The following CDK5RAP3 variants were observed in gnomAD, a reference collection of about 807,000 sequenced individuals.
CDK5RAP3 encodes CDK5 regulatory subunit-associated protein 3.
A neutral mutation model predicts 73.3 loss-of-function variants in CDK5RAP3; 58 were observed. The observed-to-expected ratio is 0.79, with a 90% CI of 0.64 to 0.98. CDK5RAP3 has a LOEUF of 0.98. CDK5RAP3 is among the 50% of genes least tolerant of loss of function. The probability of loss-of-function intolerance (pLI) is 0.00; values close to 1 mark genes in which losing one functional copy is unlikely to be tolerated. For synonymous variants in CDK5RAP3, 224 were observed against 247.5 expected (o/e 0.91, Z 0.89); for missense variants, 525 against 615.8 (o/e 0.85, Z 1.56).
chr17:47,976,459 A>G, intron 8 of CDK5RAP3: 2 of 406,416 alleles, frequency 4.9e-6, no homozygotes, highest in Admixed American at 4.0e-5. Flanking sequence ...TCTCAGCCTC[A>G]AGCGATCCTC....
chr17:47,980,630 G>C lies in CDK5RAP3; in HGVS notation c.1115G>C (p.Ser372Thr). ...TTAGCCCAGAGAGCAGTGGAGTTGA[G>C]TGAGGAGGCAGATGTCCTGTCTGTG... ...IFLAQRAVEL[S>T]EEADVLSVSQ... Residue 372 changes from serine (S) to threonine (T), a missense_variant, in exon 12 of 14, where the codon AGT becomes ACT. Transcript: ENST00000338399. The C allele has an allele frequency of 6.2e-7, 1 of 1,613,672 alleles. No individual in the cohort carries two copies. Among genetic ancestry groups the C allele is most frequent in the Non-Finnish European group, 8.5e-7 (1 of 1,180,028 alleles).
At position 47,975,581 on chromosome 17, in the gene CDK5RAP3, G is replaced by A; in HGVS notation, c.581G>A (p.Gly194Glu). The stretch of plus-strand genomic sequence containing the variant: ...CTGCCGAGTCAGCTGGCTGAGATTG[G>A]GGCAGCGGCTCAGCAGTCCCTGGGG... ...KDLPSQLAEIGAAAQQSLGEA... is the reference protein window; with the variant it reads ...KDLPSQLAEIEAAAQQSLGEA... The change falls in exon 7 of 14, where the codon GGG (glycine) becomes GAG (glutamate). Residue 194 changes from glycine to glutamate, a missense_variant. Physicochemically the swap from Gly to Glu is moderately conservative, Grantham distance 98. This residue lies in a region of CDK5RAP3 where 409 missense variants were observed against 429.8 expected (regional missense o/e 0.95). Coordinates refer to ENST00000338399, the MANE Select transcript of CDK5RAP3 (RefSeq NM_176096.3). 6.2e-7 allele frequency: 1 copy of A among 1,610,174 alleles called. No individual in the cohort carries two copies. Among genetic ancestry groups the A allele is most frequent in the Non-Finnish European group, 8.5e-7 (1 of 1,180,008 alleles).
At chr17:47,974,910 G>A in intron 5 of CDK5RAP3, 2 of 1,387,798 alleles carry the variant, frequency 1.4e-6, no homozygotes, top group South Asian at 3.0e-5. Flanking sequence ...CTAAATGCAA[G>A]GAATTGTGCT....
intron 4 of CDK5RAP3, 107 bp from the exon 5 acceptor site, chr17:47,974,293 T>C (rs1255859625): frequency 2.0e-6 from 2 of 1,001,078 alleles, no homozygotes; most frequent in African/African-American, 1.6e-5. Flanking sequence ...GAGTTTGTGT[T>C]TGATGTGATG....
intron 2 of CDK5RAP3, among the ~76,000 whole-genome samples, chr17:47,972,828 G>A (rs1441804355): frequency 6.6e-6 from 1 of 152,132 alleles, no homozygotes; most frequent in Non-Finnish European, 1.5e-5. Context: ...TTACATGTGG[G>A]AAAACTGAGG....
Position 47,976,739 on chromosome 17 carries a change from G to A in CDK5RAP3, c.826G>A (p.Ala276Thr). The A allele has an allele frequency of 6.2e-7, 1 of 1,612,412 alleles. No individual in the cohort carries two copies. The highest frequency in any genetic ancestry group is 8.5e-7 in the Non-Finnish European group (1 of 1,178,954). The stretch of plus-strand genomic sequence containing the variant: ...TGACTGGGGCGACTTTGGGGTAGAG[G>A]CAGTGTCTGAGGGGACTGACTCTGG... ...AIDWGDFGVE[A>T]VSEGTDSGIS... The change falls in exon 9 of 14, where the codon GCA (alanine) becomes ACA (threonine). Residue 276 changes from alanine to threonine, a missense_variant. Transcript: ENST00000338399.
At position 47,976,781 on chromosome 17, in the gene CDK5RAP3, G is replaced by A. The variant is rs2036425627; in HGVS notation, c.868G>A (p.Ala290Thr). ...GTDSGISAEA[A>T]GIDWGIFPES... is the part of the protein sequence containing the mutation. ...TGACTCTGGCATCTCTGCCGAGGCT[G>A]CTGGAATCGACTGGGGCATCTTCCC... The change falls in exon 9 of 14, where the codon GCT (alanine) becomes ACT (threonine). Residue 290 changes from alanine (A) to threonine (T), a missense_variant. Transcript: ENST00000338399. 1 of 1,611,572 alleles carries A rather than the reference G, an allele frequency of 6.2e-7. No homozygotes were observed. The highest frequency in any genetic ancestry group is 1.3e-5 in the African/African-American group (1 of 74,800).
chr17:47,971,062 A>G (rs988778738), upstream of CDK5RAP3: 9 of 1,550,078 alleles, frequency 5.8e-6, no homozygotes, highest in East Asian at 2.4e-5. Context: ...TTGTGTCTAA[A>G]CGGAGGCTCG....
intron 8 of CDK5RAP3, 73 bp from the exon 9 acceptor site, chr17:47,976,639 C>G (rs1011432262): frequency 9.5e-7 from 1 of 1,051,576 alleles, no homozygotes; most frequent in Non-Finnish European, 1.5e-6. Flanking sequence ...ACTGGGGTTA[C>G]AGACATGAGC....
chr17:47,977,222 C>G (rs533711266), intron 9 of CDK5RAP3, among the ~76,000 whole-genome samples: 1 of 152,190 alleles, frequency 6.6e-6, no homozygotes, highest in African/African-American at 2.4e-5. Flanking sequence ...CATCTTGGCT[C>G]ACTGCAACCT....
intron 10 of CDK5RAP3, 56 bp downstream of exon 10, chr17:47,977,966 C>G: frequency 2.9e-6 from 4 of 1,375,626 alleles, no homozygotes; most frequent in Non-Finnish European, 4.1e-6. Flanking sequence ...AGGGCCCCCA[C>G]GTGTCTAGAA....
At chr17:47,974,536 C>T in intron 5 of CDK5RAP3, 88 bp downstream of exon 5, 1 of 1,607,914 alleles carries the variant, frequency 6.2e-7, no homozygotes, top group Non-Finnish European at 8.5e-7. Flanking sequence ...GAGGCACAGT[C>T]TGTGAGTGGG....
rs762149979 is a variant in CDK5RAP3, at chr17:47,981,143, C to CAG, written c.1284-19_1284-18insGA. The CAG allele has an allele frequency of 1.2e-6, 2 of 1,606,078 alleles. No homozygotes were observed. Among genetic ancestry groups the CAG allele is most frequent in the Non-Finnish European group, 1.7e-6 (2 of 1,174,012 alleles). ...CAGGATGCACAGCTAACCCAGCACTCACCTGAGTGCCCCGCACAGGTATGT... is the reference window on the plus strand; with the variant it reads ...CAGGATGCACAGCTAACCCAGCACTCAGACCTGAGTGCCCCGCACAGGTATGT... On this transcript the variant is annotated intron_variant, in intron 12 of 13. Transcript: ENST00000338399.
chr17:47,976,050 T>C (rs1217857789), intron 8 of CDK5RAP3, 37 bp downstream of exon 8: 2 of 1,599,796 alleles, frequency 1.3e-6, no homozygotes, highest in Non-Finnish European at 1.7e-6. Context: ...AGGAGTGGAG[T>C]GGGAGCTGCT....
Position 47,980,613 on chromosome 17 carries a change from G to C in CDK5RAP3, c.1098G>C (p.Gln366His). 1.2e-6 allele frequency: 2 copies of C among 1,613,278 alleles called. No homozygotes were observed. Among genetic ancestry groups the C allele is most frequent in the Non-Finnish European group, 1.7e-6 (2 of 1,180,022 alleles). Residue 366 changes from glutamine (Q) to histidine (H), a missense_variant, in exon 12 of 14, where the codon CAG (glutamine) becomes CAC (histidine). Physicochemically the swap from Gln to His is conservative, Grantham distance 24. This residue lies in a region of CDK5RAP3 where 116 missense variants were observed against 186.1 expected (regional missense o/e 0.62). Coordinates refer to ENST00000338399, the MANE Select transcript of CDK5RAP3 (RefSeq NM_176096.3). ...ELMELEIFLA[Q>H]RAVELSEEAD... ...CTCAGCTTGAGATCTTCTTAGCCCAGAGAGCAGTGGAGTTGAGTGAGGAGG... is the reference window on the plus strand; with the variant it reads ...CTCAGCTTGAGATCTTCTTAGCCCACAGAGCAGTGGAGTTGAGTGAGGAGG...
In CDK5RAP3 at chr17:47,980,614, A is replaced by G. The variant is rs1023232261; in HGVS notation, c.1099A>G (p.Arg367Gly). ...LMELEIFLAQ[R>G]AVELSEEADV... ...TCAGCTTGAGATCTTCTTAGCCCAG[A>G]GAGCAGTGGAGTTGAGTGAGGAGGC... is the stretch of plus-strand genomic sequence containing the variant. Residue 367 changes from arginine to glycine, a missense_variant, in exon 12 of 14, where the codon AGA becomes GGA. Arg to Gly is a moderately radical substitution (Grantham distance 125). Around this residue, in one of 2 missense-constraint regions of CDK5RAP3, gnomAD observed 116 missense variants for 186.1 expected, o/e 0.62. Transcript: ENST00000338399. The G allele has an allele frequency of 1.2e-6, 2 of 1,613,174 alleles. No individual in the cohort carries two copies. Among genetic ancestry groups the G allele is most frequent in the Admixed American group, 3.3e-5 (2 of 59,982 alleles).
rs148972104 is a variant in CDK5RAP3, at chr17:47,972,255, G to T, written c.52+848G>T. ...TACTTCCTCCCCAGTTCATAGTCAG[G>T]GAAGGCCTCTTCATCTGATCACACA... On this transcript the variant is annotated intron_variant, in intron 2 of 13. Transcript: ENST00000338399. Among the ~76,000 whole-genome samples the T allele has an allele frequency of 3.7e-4, 56 of 152,188 alleles. 2 individuals carry two copies. The East Asian group carries it at 6.6e-3, about 18-fold the overall frequency.
At chr17:47,972,551 G>C (rs766311193) in intron 2 of CDK5RAP3, among the ~76,000 whole-genome samples, 79 of 152,222 alleles carry the variant, frequency 5.2e-4, no homozygotes, top group Non-Finnish European at 1.1e-3. Flanking sequence ...GGTCACGGGG[G>C]AAGCTTCTTT....
At chr17:47,973,370 T>C in intron 2 of CDK5RAP3, 149 bp from the exon 3 acceptor site, 1 of 824,008 alleles carries the variant, frequency 1.2e-6, no homozygotes, top group East Asian at 2.9e-5. Context: ...CTCTTTGGGC[T>C]TGTCTTTATT....
Sources: allele counts gnomAD v4.1 joint callset (sites outside exome capture counted in the v4.1 genomes callset), GRCh38; gene constraint gnomAD v4.1.1; regional missense constraint gnomAD v4.1.1; transcripts MANE v1.5; gene names NCBI Gene and HGNC (gene_info 2026-07-23, HGNC 2026-07-21).